GRIA4: variants seen among roughly 807,000 people sequenced by gnomAD.
GRIA4 encodes the protein glutamate receptor 4.
A neutral mutation model predicts 104.0 loss-of-function variants in GRIA4; 34 were observed. That is an observed-to-expected ratio of 0.33 (90% confidence interval 0.25 to 0.44). The LOEUF (loss-of-function observed/expected upper bound fraction) is 0.44. Among genes scored for constraint, GRIA4 ranks in the 20% least tolerant of loss-of-function variants. The probability of loss-of-function intolerance (pLI) is 1.00; values close to 1 mark genes in which losing one functional copy is unlikely to be tolerated. For missense variants in GRIA4, 750 were observed against 1,096.5 expected (o/e 0.68, Z 4.46); for synonymous variants, 386 against 381.9 (o/e 1.01, Z -0.13).
intron 3 of GRIA4, among the ~76,000 whole-genome samples, chr11:105,634,476 A>AGAAAGAAAGAAAGAAAGAAAGAAAGG (rs1565419838): frequency 9.4e-5 from 5 of 53,238 alleles, no homozygotes; most frequent in African/African-American, 2.7e-4. Context: ...AGGGAAAGAA[A>AGAAAGAAAGAAAGAAAGAAAGAAAGG]GAAAGAAAGA....
intron 10 of GRIA4, among the ~76,000 whole-genome samples, chr11:105,913,745 C>T (rs1391639897): frequency 6.6e-6 from 1 of 151,856 alleles, no homozygotes; most frequent in Non-Finnish European, 1.5e-5. Flanking sequence ...CCTTTTTTCC[C>T]CAAAGCTTTA....
chr11:105,697,036 T>C (rs1953304989), intron 3 of GRIA4, among the ~76,000 whole-genome samples: 1 of 152,194 alleles, frequency 6.6e-6, no homozygotes, highest in African/African-American at 2.4e-5. Context: ...AGTGCTGGAA[T>C]TATAGATGGA....
chr11:105,914,977 G>T (rs1947359101), intron 10 of GRIA4, among the ~76,000 whole-genome samples: 1 of 152,130 alleles, frequency 6.6e-6, no homozygotes, highest in African/African-American at 2.4e-5. Context: ...AATATGAAGT[G>T]TTTGAAGAGC....
chr11:105,771,930 TACAC>T (rs759634418), intron 4 of GRIA4, among the ~76,000 whole-genome samples: 92 of 152,096 alleles, frequency 6.0e-4, no homozygotes, highest in Admixed American at 9.2e-4. Context: ...TATCAAAACT[TACAC>T]ACACACAGAC....
chr11:105,623,090 T>TATATATATATATAC (rs1377161261), intron 3 of GRIA4, among the ~76,000 whole-genome samples: 1 of 123,152 alleles, frequency 8.1e-6, no homozygotes, highest in African/African-American at 2.8e-5. Flanking sequence ...TATATATATA[T>TATATATATATATAC]ACCATATTTT....
At chr11:105,885,087 G>T (rs1565314992) in intron 5 of GRIA4, among the ~76,000 whole-genome samples, 3 of 152,134 alleles carry the variant, frequency 2.0e-5, no homozygotes, top group Admixed American at 6.5e-5. Context: ...AACAACCCCT[G>T]CTGTAGCCAA....
chr11:105,694,839 A>C (rs1464727231), intron 3 of GRIA4, among the ~76,000 whole-genome samples: 2 of 152,206 alleles, frequency 1.3e-5, no homozygotes, highest in African/African-American at 4.8e-5. Context: ...TAATTACACT[A>C]GCCACATTTC....
At chr11:105,967,881 T>C (rs895893819) in intron 14 of GRIA4, among the ~76,000 whole-genome samples, 3 of 152,214 alleles carry the variant, frequency 2.0e-5, no homozygotes, top group African/African-American at 7.2e-5. Context: ...TGTTGCTTTT[T>C]CATTTTCATT....
intron 3 of GRIA4, among the ~76,000 whole-genome samples, chr11:105,696,841 TG>T (rs11361290): frequency 0.02 from 3,055 of 152,192 alleles, 89 homozygotes; most frequent in African/African-American, 0.056. Context: ...CTCTACTCAC[TG>T]CAACCTCTGC....
chr11:105,896,287 T>C (rs1389300145), intron 6 of GRIA4, among the ~76,000 whole-genome samples: 1 of 152,086 alleles, frequency 6.6e-6, no homozygotes, highest in African/African-American at 2.4e-5. Context: ...TTGGTTTTTA[T>C]TTGTTGATTT....
At chr11:105,699,454 C>T (rs557642686) in intron 3 of GRIA4, among the ~76,000 whole-genome samples, 2 of 152,158 alleles carry the variant, frequency 1.3e-5, no homozygotes, top group Non-Finnish European at 2.9e-5. Context: ...GAGACGGCTG[C>T]AACATTGATG....
At chr11:105,759,218 A>G (rs1210784688) in intron 4 of GRIA4, among the ~76,000 whole-genome samples, 1 of 152,122 alleles carries the variant, frequency 6.6e-6, no homozygotes, top group East Asian at 1.9e-4. Context: ...TTAAACTCTA[A>G]TAAATATTTA....
chr11:105,729,560 G>T (rs1938449907), intron 3 of GRIA4, among the ~76,000 whole-genome samples: 4 of 152,220 alleles, frequency 2.6e-5, no homozygotes, highest in South Asian at 2.1e-4. Context: ...AACAAAAAAA[G>T]AAAATTTCAG....
At chr11:105,929,737 T>A (rs996391082) in intron 13 of GRIA4, among the ~76,000 whole-genome samples, 1 of 152,082 alleles carries the variant, frequency 6.6e-6, no homozygotes, top group Non-Finnish European at 1.5e-5. Flanking sequence ...AAGGGGAAAA[T>A]AATTCACCGG....
chr11:105,891,726 A>G (rs1051400895), intron 6 of GRIA4, among the ~76,000 whole-genome samples: 8 of 152,176 alleles, frequency 5.3e-5, no homozygotes, highest in Non-Finnish European at 7.4e-5. Flanking sequence ...TACTCATAGT[A>G]TAGAACTTAT....
At chr11:105,620,514 G>A (rs1027660329) in intron 3 of GRIA4, among the ~76,000 whole-genome samples, 3 of 151,766 alleles carry the variant, frequency 2.0e-5, no homozygotes, top group Non-Finnish European at 4.4e-5. Context: ...AACATTCAGT[G>A]TGACTGTCGC....
At chr11:105,876,760 T>G (rs1475536266) in intron 5 of GRIA4, among the ~76,000 whole-genome samples, 2 of 152,178 alleles carry the variant, frequency 1.3e-5, no homozygotes, top group East Asian at 3.9e-4. Context: ...TGCTTTCCAT[T>G]TGCTTGATAA....
At chr11:105,840,271 A>G (rs996479490) in intron 4 of GRIA4, among the ~76,000 whole-genome samples, 3 of 152,266 alleles carry the variant, frequency 2.0e-5, no homozygotes, top group South Asian at 4.2e-4. Flanking sequence ...GGTCATTATA[A>G]ACCACTGGAC....
chr11:105,873,855 A>T (rs2136057562), intron 5 of GRIA4, among the ~76,000 whole-genome samples: 1 of 152,218 alleles, frequency 6.6e-6, no homozygotes, highest in African/African-American at 2.4e-5. Flanking sequence ...ATTTTCTCCC[A>T]TTCTGTAGGT....
Sources: allele counts gnomAD v4.1 joint callset (sites outside exome capture counted in the v4.1 genomes callset), GRCh38; gene constraint gnomAD v4.1.1; transcripts MANE v1.5; gene names NCBI Gene and HGNC (gene_info 2026-07-23, HGNC 2026-07-21).